RNLS: variants seen among roughly 807,000 people sequenced by gnomAD.
The protein encoded by RNLS is renalase.
A neutral mutation model predicts 39.8 loss-of-function variants in RNLS; 39 were observed. The observed-to-expected ratio is 0.98, with a 90% CI of 0.76 to 1.28. RNLS has a LOEUF of 1.28. RNLS is among the 50% of genes most tolerant of loss of function. The pLI, the probability that RNLS is intolerant of heterozygous loss-of-function variation, is 0.00. For missense variants in RNLS, 410 were observed against 413.3 expected (o/e 0.99, Z 0.07); for synonymous variants, 147 against 150.7 (o/e 0.98, Z 0.18).
chr10:88,381,835 T>G (rs1348974353), intron 4 of RNLS, among the ~76,000 whole-genome samples: 1 of 152,046 alleles, frequency 6.6e-6, no homozygotes, highest in Non-Finnish European at 1.5e-5. Context: ...CCTGTCTGGT[T>G]TTTTTATATC....
At chr10:88,274,939 G>C in exon 7 of RNLS, 2 of 1,588,542 alleles carry the variant, frequency 1.3e-6, no homozygotes, top group Non-Finnish European at 1.7e-6. Flanking sequence ...AAACCTGACT[G>C]TGTGCTCCAA....
intron 4 of RNLS, among the ~76,000 whole-genome samples, chr10:88,391,315 T>A (rs1045161021): frequency 2.8e-4 from 43 of 152,200 alleles, no homozygotes; most frequent in African/African-American, 4.8e-5. Context: ...TCCCAGCACT[T>A]TGGGAGTTCC....
chr10:88,516,793 A>T (rs1846429238), intron 4 of RNLS, among the ~76,000 whole-genome samples: 5 of 152,038 alleles, frequency 3.3e-5, no homozygotes, highest in Admixed American at 3.3e-4. Context: ...TTTTGTAGTC[A>T]TATGTTTCAT....
At chr10:88,515,688 T>G (rs1305956425) in intron 4 of RNLS, among the ~76,000 whole-genome samples, 4 of 152,088 alleles carry the variant, frequency 2.6e-5, no homozygotes, top group African/African-American at 9.7e-5. Context: ...TATTGTATCT[T>G]CAGCCTCTAG....
chr10:88,577,125 G>A (rs182008284), intron 3 of RNLS, among the ~76,000 whole-genome samples: 29 of 152,214 alleles, frequency 1.9e-4, no homozygotes, highest in African/African-American at 7.0e-4. Context: ...AAAGAACTAA[G>A]GTGGTATTAC....
chr10:88,343,551 C>T (rs1589602808), intron 5 of RNLS: 1 of 984,804 alleles, frequency 1.0e-6, no homozygotes, highest in African/African-American at 1.7e-5. Flanking sequence ...AGTAAAACAA[C>T]TCTCAAAAAT....
chr10:88,499,487 C>T lies in RNLS; in HGVS notation c.526+73416G>A, dbSNP rs758170790. Among the ~76,000 whole-genome samples the T allele has an allele frequency of 4.6e-5, 7 of 152,156 alleles. No homozygotes were observed. The South Asian group carries it at 6.2e-4, about 14-fold the overall frequency. ...ACAGATAATATGTTAGAAGTTCTTA[C>T]GAAAAATTTTGTTATTGTGAGTGCT... On this transcript the variant is annotated intron_variant, in intron 4 of 6. Transcript: ENST00000331772.
At chr10:88,561,782 A>T (rs1279015554) in intron 4 of RNLS, among the ~76,000 whole-genome samples, 1 of 152,198 alleles carries the variant, frequency 6.6e-6, no homozygotes, top group Non-Finnish European at 1.5e-5. Flanking sequence ...TCTAGGAAAT[A>T]TATGTAGTAC....
chr10:88,436,009 G>A (rs974345888), intron 4 of RNLS, among the ~76,000 whole-genome samples: 1 of 152,064 alleles, frequency 6.6e-6, no homozygotes, highest in Non-Finnish European at 1.5e-5. Context: ...ACATTAGGAG[G>A]GAGATTGAGG....
At chr10:88,184,588 C>T in the RNLS span, among the ~76,000 whole-genome samples, 17 of 152,202 alleles carry the variant, frequency 1.1e-4, no homozygotes, top group Middle Eastern at 3.4e-3. Flanking sequence ...ACATTCATAA[C>T]AACTATTAGG....
chr10:88,294,408 A>T (rs976200742), intron 6 of RNLS, among the ~76,000 whole-genome samples: 1 of 152,182 alleles, frequency 6.6e-6, no homozygotes, highest in African/African-American at 2.4e-5. Flanking sequence ...GTTCCATAAT[A>T]TAAGAAAGGA....
chr10:88,285,850 G>T (rs1843229366), intron 6 of RNLS, among the ~76,000 whole-genome samples: 1 of 152,052 alleles, frequency 6.6e-6, no homozygotes, highest in Non-Finnish European at 1.5e-5. Context: ...AACCCCCGAG[G>T]TGATGATATT....
At chr10:88,490,461 A>T (rs1264525037) in intron 4 of RNLS, among the ~76,000 whole-genome samples, 1 of 152,180 alleles carries the variant, frequency 6.6e-6, no homozygotes, top group Non-Finnish European at 1.5e-5. Flanking sequence ...ATAAATTACT[A>T]AACGAAATCA....
the RNLS span, among the ~76,000 whole-genome samples, chr10:88,194,577 A>G: frequency 6.6e-6 from 1 of 152,254 alleles, no homozygotes; most frequent in Non-Finnish European, 1.5e-5. Flanking sequence ...AGTAAGCCAT[A>G]ATACAAATGA....
At chr10:88,497,954 A>C (rs12764625) in intron 4 of RNLS, among the ~76,000 whole-genome samples, 28 of 140,842 alleles carry the variant, frequency 2.0e-4, no homozygotes, top group Middle Eastern at 3.2e-3. Context: ...AAAAAAAAAA[A>C]CCCAAAAAGT....
At chr10:88,454,356 T>C (rs975355663) in intron 4 of RNLS, among the ~76,000 whole-genome samples, 1 of 152,228 alleles carries the variant, frequency 6.6e-6, no homozygotes, top group Admixed American at 6.5e-5. Flanking sequence ...ATTTTGTATG[T>C]AGATCCACCT....
chr10:88,427,205 T>G (rs1854832511), intron 4 of RNLS, among the ~76,000 whole-genome samples: 1 of 152,016 alleles, frequency 6.6e-6, no homozygotes, highest in Non-Finnish European at 1.5e-5. Flanking sequence ...CTATACTCAT[T>G]ATCCCTACAA....
intron 4 of RNLS, among the ~76,000 whole-genome samples, chr10:88,435,162 C>T (rs1050146452): frequency 6.6e-6 from 1 of 151,872 alleles, no homozygotes; most frequent in Non-Finnish European, 1.5e-5. Context: ...TGTTACTTTC[C>T]TTCTCTGCCT....
chr10:88,371,718 G>A (rs1403553008), intron 4 of RNLS, among the ~76,000 whole-genome samples: 4 of 152,120 alleles, frequency 2.6e-5, no homozygotes, highest in Non-Finnish European at 5.9e-5. Context: ...GCTCACTAGA[G>A]ATTATTTTCT....
Sources: allele counts gnomAD v4.1 joint callset (sites outside exome capture counted in the v4.1 genomes callset), GRCh38; gene constraint gnomAD v4.1.1; transcripts MANE v1.5; gene names NCBI Gene and HGNC (gene_info 2026-07-23, HGNC 2026-07-21).